Variants in DNAJC3 observed in about 807,000 individuals in gnomAD.
DNAJC3 encodes DnaJ heat shock protein family (Hsp40) member C3.
Under a neutral mutation model 68.6 loss-of-function variants are expected in DNAJC3, and 38 were observed. The ratio of observed to expected loss-of-function variants is 0.55; its 90% CI spans 0.43 to 0.73. The LOEUF is 0.73. Ranked by LOEUF, DNAJC3 falls within the 30% of genes least tolerant of loss-of-function variation. The probability of loss-of-function intolerance (pLI) is 0.00; values close to 1 mark genes in which losing one functional copy is unlikely to be tolerated. For missense variants in DNAJC3, 526 were observed against 591.9 expected (o/e 0.89, Z 1.16); for synonymous variants, 203 against 204.0 (o/e 1.00, Z 0.04).
chr13:95,690,655 G>A (rs1346016048), intron 1 of DNAJC3, among the ~76,000 whole-genome samples: 3 of 146,648 alleles, frequency 2.0e-5, no homozygotes, highest in East Asian at 4.2e-4. Context: ...CGGCTGGCCG[G>A]GCGGGGGGCT....
chr13:95,768,613 C>G (rs369005112), intron 9 of DNAJC3, among the ~76,000 whole-genome samples: 8 of 152,240 alleles, frequency 5.3e-5, no homozygotes, highest in African/African-American at 1.9e-4. Context: ...TGCCCTCTTG[C>G]TTATCCTGGG....
chr13:95,725,087 TAA>T (rs1881462286), intron 3 of DNAJC3, 89 bp from the exon 4 acceptor site: 1 of 782,032 alleles, frequency 1.3e-6, no homozygotes, highest in Non-Finnish European at 1.9e-6. Flanking sequence ...TATTTATTAA[TAA>T]TTTGTTTATT....
intron 11 of DNAJC3, among the ~76,000 whole-genome samples, chr13:95,789,835 AT>A (rs1180261897): frequency 1.3e-5 from 2 of 152,000 alleles, no homozygotes; most frequent in Non-Finnish European, 2.9e-5. Flanking sequence ...AATAATAGCC[AT>A]TTTTTATTTG....
intron 1 of DNAJC3, among the ~76,000 whole-genome samples, chr13:95,698,758 T>C (rs1030319974): frequency 5.3e-5 from 8 of 152,148 alleles, no homozygotes; most frequent in African/African-American, 1.7e-4. Flanking sequence ...TTTTATGTAA[T>C]AGCAAATGCA....
chr13:95,753,089 C>A (rs1300084228), intron 4 of DNAJC3, among the ~76,000 whole-genome samples: 3 of 152,184 alleles, frequency 2.0e-5, no homozygotes, highest in Non-Finnish European at 4.4e-5. Context: ...CATCCTCCTT[C>A]TTCTTCCCTC....
chr13:95,690,171 G>A (rs574134276), intron 1 of DNAJC3, among the ~76,000 whole-genome samples: 1 of 151,886 alleles, frequency 6.6e-6, no homozygotes, highest in African/African-American at 2.4e-5. Context: ...CTTGAGATTA[G>A]GGAGTGGTGA....
intron 9 of DNAJC3, 129 bp from the exon 10 acceptor site, chr13:95,785,810 T>C: frequency 1.3e-6 from 1 of 797,616 alleles, no homozygotes; most frequent in South Asian, 2.6e-5. Flanking sequence ...TCACTTAAGG[T>C]TTTTGGCAAT....
intron 4 of DNAJC3, among the ~76,000 whole-genome samples, chr13:95,728,218 T>C (rs907142281): frequency 6.6e-6 from 1 of 152,234 alleles, no homozygotes; most frequent in African/African-American, 2.4e-5. Flanking sequence ...CTGGGATAAA[T>C]GTCCAGGAGT....
intron 1 of DNAJC3, chr13:95,695,096 C>A (rs925668044): frequency 1.3e-5 from 2 of 152,184 alleles, no homozygotes; most frequent in Admixed American, 1.3e-4. Context: ...GCCACTATTG[C>A]ATGACTTTTC....
chr13:95,773,609 CTTA>C (rs1566511241), intron 9 of DNAJC3, among the ~76,000 whole-genome samples: 5 of 151,160 alleles, frequency 3.3e-5, no homozygotes, highest in Non-Finnish European at 7.4e-5. Flanking sequence ...ATAATATTAT[CTTA>C]TTATTTAATG....
chr13:95,738,637 G>C (rs1882016260), intron 4 of DNAJC3, among the ~76,000 whole-genome samples: 2 of 152,090 alleles, frequency 1.3e-5, no homozygotes, highest in Non-Finnish European at 2.9e-5. Context: ...CAGAGACAAG[G>C]ATTGCAACCC....
rs568347675 is a variant in DNAJC3 at position 95,763,492 on chromosome 13, C to T, written c.849-151C>T. 3 of 638,968 alleles carry T rather than the reference C, an allele frequency of 4.7e-6. No individual in the cohort carries two copies. The South Asian group carries it at 6.2e-5, about 13-fold the overall frequency. 39.6% of individuals were successfully genotyped at this position (638,968 alleles called of 1,614,324 possible). ...ATTATGGAGTGTACCTTCTATGGGACTCTAGATTAATAAGGGAAAAGCCGA... is the reference window on the plus strand; with the variant it reads ...ATTATGGAGTGTACCTTCTATGGGATTCTAGATTAATAAGGGAAAAGCCGA... On this transcript the variant is annotated intron_variant, in intron 7 of 11. Transcript: ENST00000602402.
chr13:95,707,624 G>A lies in DNAJC3; in HGVS notation c.83-1603G>A, dbSNP rs576291259. 3.9e-5 allele frequency among the ~76,000 whole-genome samples: 6 copies of A among 152,180 alleles called. No homozygotes were observed. In the South Asian group the frequency reaches 1.0e-3, roughly 26 times the overall value. On this transcript the variant is annotated intron_variant, in intron 1 of 11. Coordinates refer to ENST00000602402, the MANE Select transcript of DNAJC3 (RefSeq NM_006260.5). ...CCTAGGACTGCTCCCAATACCAATT[G>A]TGTGTCACTCATGGTCCGTTGAGGA... is the stretch of plus-strand genomic sequence containing the variant.
At chr13:95,704,529 C>G (rs1484330084) in intron 1 of DNAJC3, among the ~76,000 whole-genome samples, 1 of 152,150 alleles carries the variant, frequency 6.6e-6, no homozygotes, top group Non-Finnish European at 1.5e-5. Context: ...ACCTCTTTTG[C>G]TATGAAGTGA....
chr13:95,777,385 A>C (rs1007829848), intron 9 of DNAJC3, among the ~76,000 whole-genome samples: 3 of 152,068 alleles, frequency 2.0e-5, no homozygotes, highest in African/African-American at 7.2e-5. Context: ...GCACCTTTTC[A>C]GTCTAGATCC....
chr13:95,698,796 A>G (rs1880515543), intron 1 of DNAJC3, among the ~76,000 whole-genome samples: 1 of 152,230 alleles, frequency 6.6e-6, no homozygotes, highest in South Asian at 2.1e-4. Context: ...AACACGGTCT[A>G]TTCAGAGAAG....
chr13:95,695,693 G>A (rs1457096216), intron 1 of DNAJC3: 1 of 152,094 alleles, frequency 6.6e-6, no homozygotes, highest in Non-Finnish European at 1.5e-5. Flanking sequence ...TTGAAAATAA[G>A]CTACTTAAAT....
chr13:95,679,329 C>T (rs1879855792), intron 1 of DNAJC3, among the ~76,000 whole-genome samples: 1 of 151,356 alleles, frequency 6.6e-6, no homozygotes, highest in African/African-American at 2.4e-5. Flanking sequence ...GTGCTGTACC[C>T]CACTTACAGA....
At chr13:95,787,220 G>A in intron 11 of DNAJC3, 65 bp downstream of exon 11, 2 of 1,562,590 alleles carry the variant, frequency 1.3e-6, no homozygotes, top group Non-Finnish European at 8.6e-7. Context: ...GGTGGAACAT[G>A]TGGTGGGTTC....
Sources: allele counts gnomAD v4.1 joint callset (sites outside exome capture counted in the v4.1 genomes callset), GRCh38; gene constraint gnomAD v4.1.1; transcripts MANE v1.5; gene names NCBI Gene and HGNC (gene_info 2026-07-23, HGNC 2026-07-21).